ARMC3: variants seen among roughly 807,000 people sequenced by gnomAD.
The protein encoded by ARMC3 is armadillo repeat-containing protein 3.
In ARMC3, 74 loss-of-function variants were observed where a neutral mutation model predicts 90.3. That is an observed-to-expected ratio of 0.82 (90% CI 0.68 to 0.99). The LOEUF (loss-of-function observed/expected upper bound fraction) is 0.99. ARMC3 is among the 50% of genes least tolerant of loss of function. The pLI is 0.00. For missense variants in ARMC3, 958 were observed against 1,042.8 expected (o/e 0.92, Z 1.12); for synonymous variants, 334 against 361.8 (o/e 0.92, Z 0.87).
chr10:23,032,027 A>C (rs1241727873), intron 17 of ARMC3, among the ~76,000 whole-genome samples: 1 of 152,152 alleles, frequency 6.6e-6, no homozygotes, highest in Non-Finnish European at 1.5e-5. Flanking sequence ...CAAGATGGGA[A>C]GATGTATTGA....
At chr10:23,037,226 C>G in intron 18 of ARMC3, 44 bp from the exon 19 acceptor site, 1 of 1,488,528 alleles carries the variant, frequency 6.7e-7, no homozygotes, top group South Asian at 1.4e-5. Context: ...TTCCCCACCC[C>G]TCTCCCGCAC....
chr10:22,952,201 T>A (rs1214623590), intron 3 of ARMC3, among the ~76,000 whole-genome samples: 1 of 151,986 alleles, frequency 6.6e-6, no homozygotes, highest in Non-Finnish European at 1.5e-5. Context: ...GATATCTCAG[T>A]ATAAATCAAT....
At chr10:22,934,056 G>T (rs912941442) in intron 2 of ARMC3, among the ~76,000 whole-genome samples, 4 of 152,106 alleles carry the variant, frequency 2.6e-5, no homozygotes, top group South Asian at 2.1e-4. Context: ...GTCAATAAAG[G>T]TTTGTTGTAC....
chr10:22,981,528 T>C (rs1288695251), intron 9 of ARMC3, 36 bp downstream of exon 9: 3 of 1,613,338 alleles, frequency 1.9e-6, no homozygotes, highest in South Asian at 1.1e-5. Flanking sequence ...TGAGCATTTT[T>C]AGGTTACCGT....
In ARMC3 at chr10:23,009,457, G is replaced by T. The variant is rs1280853886; in HGVS notation, c.2045+526G>T. On this transcript the variant is annotated intron_variant, in intron 16 of 18. Coordinates refer to ENST00000298032, the MANE Select transcript of ARMC3 (RefSeq NM_173081.5). Reference sequence around the variant, plus strand: ...AATAGAGCAACGCTCTTACTTGGTTGGGACAATTATAATGTCGTTTTGAGG... The same window carrying T: ...AATAGAGCAACGCTCTTACTTGGTTTGGACAATTATAATGTCGTTTTGAGG... Among the ~76,000 whole-genome samples, 4 of 151,798 alleles carry T rather than the reference G, an allele frequency of 2.6e-5. 1 individual carries two copies. In the East Asian group the frequency reaches 7.8e-4, roughly 29 times the overall value.
chr10:22,996,787 C>T (rs1002447271), intron 10 of ARMC3, among the ~76,000 whole-genome samples: 3 of 152,208 alleles, frequency 2.0e-5, no homozygotes, highest in East Asian at 1.9e-4. Context: ...TACCTCCTCT[C>T]TGATGGATAA....
intron 10 of ARMC3, among the ~76,000 whole-genome samples, chr10:22,991,896 T>G (rs1836727691): frequency 6.6e-6 from 1 of 152,230 alleles, no homozygotes; most frequent in Admixed American, 6.5e-5. Context: ...ATTGTATCCC[T>G]TGTCATTGAC....
At chr10:22,932,626 G>A (rs1370336294) in intron 2 of ARMC3, among the ~76,000 whole-genome samples, 1 of 152,204 alleles carries the variant, frequency 6.6e-6, no homozygotes, top group Non-Finnish European at 1.5e-5. Flanking sequence ...GAAAGGTTGT[G>A]TTAAAAGTGA....
rs900094180 is a variant in ARMC3 at position 23,003,189 on chromosome 10, G to A, written c.1563-57G>A. On this transcript the variant is annotated intron_variant, in intron 12 of 18. Transcript: ENST00000298032. ...GATCTGAAGTCGGTATATAAGTGGA[G>A]ACTCAGTATTGGATGGCTTGTATAA... 2.7e-6 allele frequency: 4 copies of A among 1,495,660 alleles called. No individual in the cohort carries two copies. In the African/African-American group the frequency reaches 5.6e-5, roughly 21 times the overall value. The allele number at this position is 1,495,660 out of a possible 1,614,324, so 92.6% of individuals were successfully genotyped here.
chr10:23,017,839 C>T (rs1427532726), intron 16 of ARMC3, among the ~76,000 whole-genome samples: 1 of 152,206 alleles, frequency 6.6e-6, no homozygotes, highest in African/African-American at 2.4e-5. Flanking sequence ...TTCTTGATTT[C>T]TTGACCCTCT....
At chr10:23,007,729 A>C (rs1837696519) in intron 14 of ARMC3, among the ~76,000 whole-genome samples, 2 of 151,034 alleles carry the variant, frequency 1.3e-5, no homozygotes, top group South Asian at 2.1e-4. Context: ...AGAGAGAGCG[A>C]GAGATCGTGT....
intron 16 of ARMC3, among the ~76,000 whole-genome samples, chr10:23,015,825 C>T (rs17441682): frequency 0.53 from 80,816 of 152,066 alleles, 22,835 homozygotes; most frequent in Non-Finnish European, 0.62. Context: ...CTCTTAGTCA[C>T]ATGTAAACAC....
At chr10:22,929,245 AAAAG>A (rs917610042) in intron 1 of ARMC3, among the ~76,000 whole-genome samples, 2 of 151,272 alleles carry the variant, frequency 1.3e-5, no homozygotes, top group African/African-American at 4.9e-5. Flanking sequence ...GAAAAAGAAA[AAAAG>A]AGAAGAGAGA....
chr10:23,014,805 G>A (rs1157767294), intron 16 of ARMC3, among the ~76,000 whole-genome samples: 5 of 151,552 alleles, frequency 3.3e-5, no homozygotes, highest in African/African-American at 7.3e-5. Flanking sequence ...GCCTACTGGA[G>A]GGTGGAGGGT....
chr10:22,965,002 A>G (rs190910813), intron 7 of ARMC3, among the ~76,000 whole-genome samples: 5 of 152,248 alleles, frequency 3.3e-5, no homozygotes, highest in Non-Finnish European at 1.5e-5. Flanking sequence ...CAACAATACA[A>G]TGTAATAATT....
intron 10 of ARMC3, among the ~76,000 whole-genome samples, chr10:22,995,779 T>G (rs1451389248): frequency 6.6e-6 from 1 of 152,238 alleles, no homozygotes; most frequent in African/African-American, 2.4e-5. Context: ...AAAAAGATGA[T>G]GTATGACCCT....
At chr10:22,986,107 C>T (rs1836413062) in intron 10 of ARMC3, among the ~76,000 whole-genome samples, 1 of 143,674 alleles carries the variant, frequency 7.0e-6, no homozygotes, top group Admixed American at 7.1e-5. Flanking sequence ...CCCTGCACTG[C>T]ACGCCCCCCC....
intron 13 of ARMC3, among the ~76,000 whole-genome samples, chr10:23,005,884 AG>A (rs1286517679): frequency 1.3e-5 from 2 of 151,656 alleles, no homozygotes; most frequent in Non-Finnish European, 2.9e-5. Context: ...GAAAAAAAAA[AG>A]AAATGAGAGG....
chr10:22,978,441 G>A (rs757107421), intron 8 of ARMC3, among the ~76,000 whole-genome samples: 1 of 152,198 alleles, frequency 6.6e-6, no homozygotes, highest in Non-Finnish European at 1.5e-5. Flanking sequence ...AACTGGCCTT[G>A]TGATTCAATT....
Sources: gnomAD v4.1 joint callset for allele counts (sites outside exome capture counted in the v4.1 genomes callset) on GRCh38, gnomAD v4.1.1 for gene constraint, MANE v1.5 for transcripts, NCBI Gene and HGNC (gene_info 2026-07-23, HGNC 2026-07-21) for gene names.